SLC24A2: variants seen among roughly 807,000 people sequenced by gnomAD.
SLC24A2 encodes the protein sodium/potassium/calcium exchanger 2.
A neutral mutation model predicts 62.0 loss-of-function variants in SLC24A2; 36 were observed. That is an observed-to-expected ratio of 0.58 (90% CI 0.44 to 0.77). The LOEUF (loss-of-function observed/expected upper bound fraction) is 0.77, where lower values mean the gene tolerates loss of function less well. SLC24A2 is among the 30% of genes least tolerant of loss of function. SLC24A2 has a pLI of 0.00. For synonymous variants in SLC24A2, 358 were observed against 294.0 expected, an observed-to-expected ratio of 1.22 and a Z score of -2.23; for missense variants, 846 against 817.9, an observed-to-expected ratio of 1.03 and a Z score of -0.42.
At chr9:19,639,483 T>C (rs1006931139) in intron 2 of SLC24A2, among the ~76,000 whole-genome samples, 5 of 152,192 alleles carry the variant, frequency 3.3e-5, no homozygotes, top group Non-Finnish European at 7.4e-5. Context: ...TGAACAAGCC[T>C]GGGGTGCCCG....
upstream of SLC24A2, among the ~76,000 whole-genome samples, chr9:19,793,840 C>G (rs113412182): frequency 9.0e-4 from 137 of 152,220 alleles, no homozygotes; most frequent in Middle Eastern, 3.4e-3. Context: ...ACCAACAGCC[C>G]GTCAACAATC....
chr9:19,840,209 T>A, the SLC24A2 span, among the ~76,000 whole-genome samples: 1 of 152,182 alleles, frequency 6.6e-6, no homozygotes, highest in Non-Finnish European at 1.5e-5. Context: ...TTCCTGTACA[T>A]AGACTTTCTT....
chr9:20,205,649 T>TAAAAAAAAAA, the SLC24A2 span, among the ~76,000 whole-genome samples: 66 of 65,278 alleles, frequency 1.0e-3, no homozygotes, highest in East Asian at 5.9e-3. Context: ...AGACTCCATC[T>TAAAAAAAAAA]AAAAAAAAAA....
the SLC24A2 span, among the ~76,000 whole-genome samples, chr9:20,147,255 G>A: frequency 2.0e-5 from 3 of 152,160 alleles, no homozygotes; most frequent in East Asian, 3.9e-4. Context: ...CCTTTGAGTC[G>A]GAGGCCCAGT....
the SLC24A2 span, among the ~76,000 whole-genome samples, chr9:20,305,461 A>C: frequency 6.6e-6 from 1 of 152,164 alleles, no homozygotes. Context: ...CCTATCTGTT[A>C]AAGGCTTTAT....
chr9:19,562,737 C>G (rs1362429831), intron 7 of SLC24A2, among the ~76,000 whole-genome samples: 1 of 152,114 alleles, frequency 6.6e-6, no homozygotes, highest in Non-Finnish European at 1.5e-5. Context: ...TATAATTTGT[C>G]TTAGGTTTTC....
At chr9:19,631,538 G>T (rs1268732915) in intron 2 of SLC24A2, among the ~76,000 whole-genome samples, 1 of 152,132 alleles carries the variant, frequency 6.6e-6, no homozygotes, top group South Asian at 2.1e-4. Context: ...GAGTGAGGGG[G>T]TCTTACATAT....
At chr9:19,657,496 A>G (rs1818974603) in intron 2 of SLC24A2, among the ~76,000 whole-genome samples, 1 of 151,922 alleles carries the variant, frequency 6.6e-6, no homozygotes, top group Non-Finnish European at 1.5e-5. Context: ...TCTAGGTTTT[A>G]AGCCCCGCAT....
chr9:20,017,143 C>T, the SLC24A2 span, among the ~76,000 whole-genome samples: 1 of 152,152 alleles, frequency 6.6e-6, no homozygotes, highest in Non-Finnish European at 1.5e-5. Flanking sequence ...GTGCCTCAGC[C>T]TCCTGAGTAG....
intron 5 of SLC24A2, among the ~76,000 whole-genome samples, chr9:19,578,601 G>T (rs1259209653): frequency 3.3e-5 from 5 of 151,644 alleles, no homozygotes; most frequent in African/African-American, 1.2e-4. Context: ...ATTAACAGGG[G>T]ATCTCATTCT....
chr9:19,822,730 A>C, the SLC24A2 span, among the ~76,000 whole-genome samples: 1 of 152,190 alleles, frequency 6.6e-6, no homozygotes, highest in East Asian at 1.9e-4. Context: ...TTATGGGCTC[A>C]GAATTTAAAA....
the SLC24A2 span, among the ~76,000 whole-genome samples, chr9:19,921,819 C>T: frequency 6.6e-6 from 1 of 152,056 alleles, no homozygotes. Flanking sequence ...GCCCTGCTGG[C>T]AATTCACAAT....
At chr9:19,869,669 C>T in the SLC24A2 span, among the ~76,000 whole-genome samples, 1 of 152,122 alleles carries the variant, frequency 6.6e-6, no homozygotes, top group East Asian at 1.9e-4. Flanking sequence ...ATTAAAAAAG[C>T]TGTGTCCTTT....
Position 19,684,160 on chromosome 9 carries a change from CT to C in SLC24A2, c.931-61862del, listed in dbSNP as rs75681911. On this transcript the variant is annotated intron_variant, in intron 2 of 10. Coordinates refer to ENST00000341998, the MANE Select transcript of SLC24A2 (RefSeq NM_020344.4). ...CCCCTGCAGGGCCAATAAGCTCCAA[CT>C]TTTTTTTACTGTTTTGTGACATTTC... 2.6e-3 allele frequency among the ~76,000 whole-genome samples: 393 copies of C among 152,088 alleles called. 2 individuals are homozygous for C. The highest frequency in any genetic ancestry group is 3.5e-3 in the Non-Finnish European group (236 of 67,962).
At chr9:19,866,492 T>C in the SLC24A2 span, among the ~76,000 whole-genome samples, 1 of 152,166 alleles carries the variant, frequency 6.6e-6, no homozygotes, top group Admixed American at 6.5e-5. Context: ...AATGTGGTAT[T>C]TGTACACAAT....
chr9:20,283,950 C>T, the SLC24A2 span, among the ~76,000 whole-genome samples: 1 of 152,150 alleles, frequency 6.6e-6, no homozygotes, highest in Non-Finnish European at 1.5e-5. Flanking sequence ...TGTCATACTT[C>T]ACCATTTTGT....
At chr9:19,611,433 A>C (rs1015697163) in intron 4 of SLC24A2, among the ~76,000 whole-genome samples, 8 of 143,710 alleles carry the variant, frequency 5.6e-5, no homozygotes, top group African/African-American at 2.1e-4. Context: ...AGAGGGAAGG[A>C]GGGGTGAGAG....
chr9:20,083,747 C>T, the SLC24A2 span, among the ~76,000 whole-genome samples: 1 of 152,190 alleles, frequency 6.6e-6, no homozygotes, highest in African/African-American at 2.4e-5. Context: ...ATTGCCCCCT[C>T]AGCAATTATT....
the SLC24A2 span, among the ~76,000 whole-genome samples, chr9:19,850,946 C>CAT: frequency 0.2 from 4,903 of 24,616 alleles, 699 homozygotes; most frequent in African/African-American, 0.39. Context: ...TATATATATA[C>CAT]ATATATATAT....
Sources: allele counts gnomAD v4.1 joint callset (sites outside exome capture counted in the v4.1 genomes callset), GRCh38; gene constraint gnomAD v4.1.1; transcripts MANE v1.5; gene names NCBI Gene and HGNC (gene_info 2026-07-23, HGNC 2026-07-21).